KNTC1: variants seen among roughly 807,000 people sequenced by gnomAD.
KNTC1 encodes the protein kinetochore-associated protein 1.
A neutral mutation model predicts 314.4 loss-of-function variants in KNTC1; 253 were observed. That is an observed-to-expected ratio of 0.80 (90% CI 0.73 to 0.89). The LOEUF (loss-of-function observed/expected upper bound fraction) is 0.89, where lower values mean the gene tolerates loss of function less well. Ranked by LOEUF, KNTC1 falls within the 40% of genes least tolerant of loss-of-function variation. The pLI, the probability that KNTC1 is intolerant of heterozygous loss-of-function variation, is 0.00. For missense variants in KNTC1, 2,475 were observed against 2,572.9 expected (o/e 0.96, Z 0.82); for synonymous variants, 901 against 901.4 (o/e 1.00, Z 0.01).
chr12:122,599,046 G>A (rs1179535450), intron 44 of KNTC1, among the ~76,000 whole-genome samples: 1 of 151,846 alleles, frequency 6.6e-6, no homozygotes, highest in Non-Finnish European at 1.5e-5. Context: ...TCACTGTGTT[G>A]TCTGGGTATG....
In KNTC1 at chr12:122,551,342, A is replaced by G. The variant is rs755047842; in HGVS notation, c.1110A>G (p.Gly370=). The change falls in exon 14 of 64, where the codon GGA becomes GGG. Residue 370 remains glycine (G), a synonymous_variant. Transcript: ENST00000333479. ...AGGATACCATATACCTTTTAGAAGG[A>G]GTTTGCAAAAATGATCCAAAGTAGG... ...ISTDTIYLLE[G]VCKNDPKLSE... is the part of the protein sequence containing the mutation. 4 of 1,590,840 alleles carry G rather than the reference A, an allele frequency of 2.5e-6. No homozygotes were observed. The Admixed American group carries it at 6.9e-5, about 27-fold the overall frequency.
At chr12:122,546,127 A>T in intron 8 of KNTC1, 49 bp from the exon 9 acceptor site, 1 of 1,054,212 alleles carries the variant, frequency 9.5e-7, no homozygotes. Context: ...AGGAAGGCTC[A>T]GGTCTAAGAA....
At chr12:122,553,147 ACT>A (rs1963313578) in intron 16 of KNTC1, among the ~76,000 whole-genome samples, 1 of 147,336 alleles carries the variant, frequency 6.8e-6, no homozygotes, top group Non-Finnish European at 1.5e-5. Flanking sequence ...ACACAGCAAG[ACT>A]CTGTCTCAGG....
chr12:122,570,388 A>T (rs77751782), intron 22 of KNTC1, among the ~76,000 whole-genome samples: 5,291 of 151,870 alleles, frequency 0.035, 333 homozygotes, highest in African/African-American at 0.12. Context: ...GCATGGTGGC[A>T]TGCCTGTAAT....
intron 51 of KNTC1, among the ~76,000 whole-genome samples, chr12:122,608,287 C>T (rs945854109): frequency 2.0e-5 from 3 of 152,054 alleles, no homozygotes; most frequent in Non-Finnish European, 4.4e-5. Flanking sequence ...TACCTGTGCC[C>T]GGCTAATTTT....
At chr12:122,596,644 C>T (rs1593645286) in intron 43 of KNTC1, among the ~76,000 whole-genome samples, 1 of 151,868 alleles carries the variant, frequency 6.6e-6, no homozygotes, top group African/African-American at 2.4e-5. Context: ...AGTTGGAGAC[C>T]AGCCTTGGTG....
At chr12:122,591,055 T>C (rs1393550698) in intron 41 of KNTC1, among the ~76,000 whole-genome samples, 1 of 152,112 alleles carries the variant, frequency 6.6e-6, no homozygotes, top group Admixed American at 6.6e-5. Context: ...GTTTAACAGA[T>C]AGAAAATTTC....
intron 57 of KNTC1, among the ~76,000 whole-genome samples, chr12:122,615,745 C>A (rs1166927383): frequency 6.6e-6 from 1 of 152,128 alleles, no homozygotes; most frequent in African/African-American, 2.4e-5. Context: ...CGTGATTGCA[C>A]CATTGCACTC....
intron 18 of KNTC1, among the ~76,000 whole-genome samples, chr12:122,558,628 C>T (rs1963762679): frequency 6.6e-6 from 1 of 151,920 alleles, no homozygotes; most frequent in African/African-American, 2.4e-5. Flanking sequence ...CCTGTAGTCC[C>T]AGTACTTAGG....
Position 122,541,287 on chromosome 12 carries a change from G to GCCTGCCTGCCTGCCTTCCTTCCTTCCTT in KNTC1, c.446-760_446-759insGCCTGCCTGCCTTCCTTCCTTCCTTCCT, listed in dbSNP as rs758235054. Among the ~76,000 whole-genome samples, 654 of 120,656 alleles carry GCCTGCCTGCCTGCCTTCCTTCCTTCCTT rather than the reference G, an allele frequency of 5.4e-3. 24 individuals carry two copies. Among genetic ancestry groups the GCCTGCCTGCCTGCCTTCCTTCCTTCCTT allele is most frequent in the African/African-American group, 0.023 (617 of 27,408 alleles). The allele number at this position is 120,656 out of a possible 152,430, so 79.2% of individuals were successfully genotyped here. The stretch of plus-strand genomic sequence containing the variant: ...TGCCTGCCTGCCTGCCTGCCTGCCT[G>GCCTGCCTGCCTGCCTTCCTTCCTTCCTT]CCTTCCTTCCTTCCTTCCTTCCTTC... On this transcript the variant is annotated intron_variant, in intron 5 of 63. Transcript: ENST00000333479.
intron 57 of KNTC1, among the ~76,000 whole-genome samples, chr12:122,616,363 C>T (rs1298389916): frequency 1.3e-5 from 2 of 151,566 alleles, no homozygotes; most frequent in Non-Finnish European, 1.5e-5. Context: ...GCTGGGTTCA[C>T]GCTATTCTCC....
Position 122,577,046 on chromosome 12 carries a change from T to A in KNTC1, c.2721+17T>A. On this transcript the variant is annotated intron_variant, in intron 30 of 63. Coordinates refer to ENST00000333479, the MANE Select transcript of KNTC1 (RefSeq NM_014708.6). ...AGAGAACAGGTTTGTAAGTTTTATG[T>A]TGTCATTTCATATGGCTTCTTTGTT... 1 of 1,482,900 alleles carries A rather than the reference T, an allele frequency of 6.7e-7. No individual in the cohort carries two copies. Among genetic ancestry groups the A allele is most frequent in the South Asian group, 1.4e-5 (1 of 73,714 alleles). The allele number at this position is 1,482,900 out of a possible 1,614,324, so 91.9% of individuals were successfully genotyped here.
Position 122,574,379 on chromosome 12 carries a change from A to G in KNTC1, c.2381A>G (p.Asp794Gly), listed in dbSNP as rs752933234. Residue 794 changes from aspartate (D) to glycine (G), a missense_variant and splice_region_variant, in exon 27 of 64, where the codon GAC becomes GGC. Transcript: ENST00000333479. ...GTAATAGCGTGTTTATCTGACACGGACGTAAGTAAATAGTGACCATTTGCG... is the reference window on the plus strand; with the variant it reads ...GTAATAGCGTGTTTATCTGACACGGGCGTAAGTAAATAGTGACCATTTGCG... The part of the protein sequence containing the change: ...MAVIACLSDT[D>G]LIFDAVLKIM... 1 of 1,565,270 alleles carries G rather than the reference A, an allele frequency of 6.4e-7. No individual in the cohort carries two copies. The highest frequency in any genetic ancestry group is 8.8e-7 in the Non-Finnish European group (1 of 1,142,820).
At chr12:122,586,547 G>A (rs1357729703) in intron 37 of KNTC1, among the ~76,000 whole-genome samples, 154 bp from the exon 38 acceptor site, 1 of 152,128 alleles carries the variant, frequency 6.6e-6, no homozygotes, top group African/African-American at 2.4e-5. Flanking sequence ...GAGAGTATGT[G>A]CTGTGTGAGG....
At position 122,534,804 on chromosome 12, in the gene KNTC1, T is replaced by C. The variant is rs768175718; in HGVS notation, c.250+20T>C. The C allele has an allele frequency of 1.9e-6, 3 of 1,603,690 alleles. No individual in the cohort carries two copies. The East Asian group carries it at 6.7e-5, about 36-fold the overall frequency. On this transcript the variant is annotated intron_variant, in intron 3 of 63. Transcript: ENST00000333479. Reference sequence around the variant, plus strand: ...TCTTTGGTAAGTATAATGTAGTGAATGAAGTAAGATAAATTGGAAGTCAAA... The same window carrying C: ...TCTTTGGTAAGTATAATGTAGTGAACGAAGTAAGATAAATTGGAAGTCAAA...
rs1203923824 is a variant in KNTC1 at position 122,597,945 on chromosome 12, A to C, written c.4563+7A>C. 1.2e-6 allele frequency: 2 copies of C among 1,610,618 alleles called. No individual in the cohort carries two copies. Among genetic ancestry groups the C allele is most frequent in the East Asian group, 4.5e-5 (2 of 44,872 alleles). Reference sequence around the variant, plus strand: ...TAGTGGAATACTACATAAGGTAGACACACAGTGAAATGAATCGGGTCATCT... The same window carrying C: ...TAGTGGAATACTACATAAGGTAGACCCACAGTGAAATGAATCGGGTCATCT... On this transcript the variant is annotated splice_region_variant and intron_variant, in intron 44 of 63. Transcript: ENST00000333479.
Position 122,571,034 on chromosome 12 carries a change from C to T in KNTC1, c.1927C>T (p.Pro643Ser), listed in dbSNP as rs868050398. The T allele has an allele frequency of 1.9e-6, 3 of 1,612,346 alleles. No individual in the cohort carries two copies. The highest frequency in any genetic ancestry group is 2.5e-6 in the Non-Finnish European group (3 of 1,178,788). ...NLELTDKANW[P>S]ENGLQLAEIF... ...GTAATCTTTTTTAAAGGCAAATTGG[C>T]CAGAAAATGGACTTCAATTGGCAGA... is the stretch of plus-strand genomic sequence containing the variant. Residue 643 changes from proline to serine, a missense_variant, in exon 24 of 64, where the codon CCA (proline) becomes TCA (serine). Coordinates refer to ENST00000333479, the MANE Select transcript of KNTC1 (RefSeq NM_014708.6).
At position 122,603,136 on chromosome 12, in the gene KNTC1, A is replaced by C; in HGVS notation, c.4994A>C (p.Lys1665Thr). 1.2e-6 allele frequency: 2 copies of C among 1,613,850 alleles called. No homozygotes were observed. The highest frequency in any genetic ancestry group is 1.7e-6 in the Non-Finnish European group (2 of 1,179,836). Reference protein sequence around the residue: ...TQAKSSTLINKEITKITQTIE... With the variant: ...TQAKSSTLINTEITKITQTIE... ...GCTAAATCCTCAACACTGATTAACA[A>C]GGAAATAACTAAGATCACGCAGACC... Residue 1665 changes from lysine to threonine, a missense_variant, in exon 48 of 64, where the codon AAG (lysine) becomes ACG (threonine). Lys to Thr is a moderately conservative substitution (Grantham distance 78). Transcript: ENST00000333479.
intron 8 of KNTC1, 48 bp downstream of exon 8, chr12:122,544,317 T>G: frequency 1.1e-6 from 1 of 914,460 alleles, no homozygotes; most frequent in Non-Finnish European, 1.7e-6. Context: ...AAGCATTTTC[T>G]CAGAAAAATG....
Sources: allele counts gnomAD v4.1 joint callset (sites outside exome capture counted in the v4.1 genomes callset), GRCh38; gene constraint gnomAD v4.1.1; transcripts MANE v1.5; gene names NCBI Gene and HGNC (gene_info 2026-07-23, HGNC 2026-07-21).